LEKR1: variants seen among roughly 807,000 people sequenced by gnomAD.
LEKR1 encodes the protein protein LEKR1.
LEKR1 carries 59 observed loss-of-function variants against 72.4 expected under a neutral mutation model. That is an observed-to-expected ratio of 0.82 (90% CI 0.66 to 1.01). The LOEUF is 1.01. LEKR1 is among the 50% of genes least tolerant of loss of function. The pLI is 0.00. For missense variants in LEKR1, 728 were observed against 759.2 expected (o/e 0.96, Z 0.48); for synonymous variants, 257 against 263.2 (o/e 0.98, Z 0.23).
chr3:156,988,675 C>A, intron 7 of LEKR1: 1 of 235,834 alleles, frequency 4.2e-6, no homozygotes. Flanking sequence ...CAGCTTCAGG[C>A]AAAGTAAGCA....
chr3:156,848,874 A>C (rs1004332896), intron 2 of LEKR1, among the ~76,000 whole-genome samples: 1 of 152,184 alleles, frequency 6.6e-6, no homozygotes, highest in Non-Finnish European at 1.5e-5. Flanking sequence ...TGTCTAAGAC[A>C]TATATATCTA....
intron 10 of LEKR1, among the ~76,000 whole-genome samples, chr3:157,018,670 C>CTGAGTATACACAT (rs1377241427): frequency 6.6e-6 from 1 of 152,158 alleles, no homozygotes; most frequent in Non-Finnish European, 1.5e-5. Flanking sequence ...CCGGCAACAC[C>CTGAGTATACACAT]TGAGTATACA....
chr3:157,037,671 T>A (rs551517546), intron 12 of LEKR1, among the ~76,000 whole-genome samples: 1 of 152,220 alleles, frequency 6.6e-6, no homozygotes, highest in African/African-American at 2.4e-5. Context: ...CCTGTGTGCC[T>A]ACTGCAGTTG....
At chr3:156,862,779 C>G (rs1716910210) in intron 3 of LEKR1, among the ~76,000 whole-genome samples, 1 of 152,006 alleles carries the variant, frequency 6.6e-6, no homozygotes, top group African/African-American at 2.4e-5. Flanking sequence ...GTGTTTTAAC[C>G]AAAGTCTAGC....
intron 3 of LEKR1, among the ~76,000 whole-genome samples, chr3:156,854,756 GT>G (rs1359263206): frequency 1.3e-5 from 2 of 151,142 alleles, no homozygotes; most frequent in African/African-American, 4.9e-5. Context: ...GTTTTGCTAT[GT>G]TGCCTATGTT....
intron 3 of LEKR1, among the ~76,000 whole-genome samples, chr3:156,871,202 C>T (rs939150639): frequency 2.6e-5 from 4 of 151,468 alleles, no homozygotes; most frequent in South Asian, 2.1e-4. Flanking sequence ...TGAGAATATG[C>T]GGTGTTTGGT....
chr3:156,892,119 G>A (rs1014594511), intron 3 of LEKR1, among the ~76,000 whole-genome samples: 4 of 152,244 alleles, frequency 2.6e-5, no homozygotes, highest in African/African-American at 9.6e-5. Flanking sequence ...CCTGAAGTCA[G>A]GATTGGTCCC....
intron 3 of LEKR1, among the ~76,000 whole-genome samples, chr3:156,873,949 G>T (rs1265768438): frequency 3.3e-5 from 5 of 151,942 alleles, no homozygotes; most frequent in Admixed American, 3.3e-4. Context: ...CTTTGACTTT[G>T]ACAGTTTAAC....
intron 6 of LEKR1, among the ~76,000 whole-genome samples, chr3:156,948,551 T>C (rs1726878887): frequency 1.3e-5 from 2 of 151,404 alleles, no homozygotes; most frequent in Admixed American, 6.6e-5. Context: ...ATGCTGACAG[T>C]GAACGTTCAA....
chr3:156,996,903 A>G (rs1419559188), intron 9 of LEKR1, among the ~76,000 whole-genome samples: 1 of 152,050 alleles, frequency 6.6e-6, no homozygotes, highest in Admixed American at 6.5e-5. Flanking sequence ...CGTCTCTTCT[A>G]AAAATACAAA....
At chr3:156,860,430 C>T (rs1310146665) in intron 3 of LEKR1, among the ~76,000 whole-genome samples, 2 of 152,032 alleles carry the variant, frequency 1.3e-5, no homozygotes, top group Non-Finnish European at 1.5e-5. Flanking sequence ...CTTAAGAGTT[C>T]GGTTGGCAAT....
chr3:156,948,183 A>G (rs1726845693), intron 6 of LEKR1, among the ~76,000 whole-genome samples: 1 of 151,264 alleles, frequency 6.6e-6, no homozygotes, highest in East Asian at 1.9e-4. Flanking sequence ...TAATGCTATT[A>G]TATGTTCTTT....
At chr3:156,959,872 T>A (rs1174096617) in intron 6 of LEKR1, among the ~76,000 whole-genome samples, 1 of 152,208 alleles carries the variant, frequency 6.6e-6, no homozygotes, top group Non-Finnish European at 1.5e-5. Flanking sequence ...TACTTTTGAA[T>A]TCACTTTTAG....
chr3:157,033,266 C>G (rs1734747071), intron 12 of LEKR1, among the ~76,000 whole-genome samples: 1 of 152,112 alleles, frequency 6.6e-6, no homozygotes, highest in East Asian at 1.9e-4. Flanking sequence ...TTAAGCTTAG[C>G]AAGGAAAGCA....
At chr3:156,957,871 G>GA (rs1377947178) in intron 6 of LEKR1, among the ~76,000 whole-genome samples, 2 of 151,966 alleles carry the variant, frequency 1.3e-5, no homozygotes, top group African/African-American at 4.8e-5. Flanking sequence ...ACTGTAACCT[G>GA]AAACTCCTGG....
At chr3:156,997,630 C>CAT (rs1337383687) in intron 9 of LEKR1, among the ~76,000 whole-genome samples, 1 of 152,168 alleles carries the variant, frequency 6.6e-6, no homozygotes, top group Non-Finnish European at 1.5e-5. Context: ...TGTGTGCTTT[C>CAT]ATAAATCCAA....
At chr3:156,922,218 T>C (rs771051935) in intron 4 of LEKR1, among the ~76,000 whole-genome samples, 8 of 152,196 alleles carry the variant, frequency 5.3e-5, no homozygotes, top group African/African-American at 4.8e-5. Context: ...GAAAAAGGTA[T>C]ACTGTTAAAA....
At chr3:156,961,607 C>T (rs1728141219) in intron 6 of LEKR1, among the ~76,000 whole-genome samples, 1 of 152,162 alleles carries the variant, frequency 6.6e-6, no homozygotes, top group African/African-American at 2.4e-5. Flanking sequence ...GTAAGTACTG[C>T]ATTCCTTAAT....
chr3:156,974,727 A>G (rs746397918), intron 6 of LEKR1, among the ~76,000 whole-genome samples: 3 of 152,084 alleles, frequency 2.0e-5, no homozygotes, highest in Admixed American at 6.6e-5. Context: ...TAATTAATAT[A>G]CCTATAAATT....
Sources: gnomAD v4.1 joint callset for allele counts (sites outside exome capture counted in the v4.1 genomes callset) on GRCh38, gnomAD v4.1.1 for gene constraint, MANE v1.5 for transcripts, NCBI Gene and HGNC (gene_info 2026-07-23, HGNC 2026-07-21) for gene names.